The following GSG1L variants were observed in gnomAD, a reference collection of about 807,000 sequenced individuals.
GSG1L encodes the protein GSG1 like.
In GSG1L, 24 loss-of-function variants were observed where a neutral mutation model predicts 42.1. That is an observed-to-expected ratio of 0.57 (90% CI 0.41 to 0.80). The LOEUF is 0.80. Ranked by LOEUF, GSG1L falls within the 30% of genes least tolerant of loss-of-function variation. The pLI is 0.00. For synonymous variants in GSG1L, 215 were observed against 203.5 expected (o/e 1.06, Z -0.48); for missense variants, 445 against 472.2 (o/e 0.94, Z 0.53).
intron 1 of GSG1L, among the ~76,000 whole-genome samples, chr16:28,015,395 C>T (rs2085769250): frequency 6.6e-6 from 1 of 152,190 alleles, no homozygotes; most frequent in Non-Finnish European, 1.5e-5. Flanking sequence ...GTCCCAGCTA[C>T]TCAAAAGGCT....
At chr16:27,973,568 AACAAGAGTGACAT>A (rs1384042256) in intron 1 of GSG1L, among the ~76,000 whole-genome samples, 1 of 151,448 alleles carries the variant, frequency 6.6e-6, no homozygotes, top group African/African-American at 2.4e-5. Context: ...AATTGGGGGA[AACAAGAGTGACAT>A]GCAGGTACCA....
intron 6 of GSG1L, among the ~76,000 whole-genome samples, chr16:27,800,521 T>C (rs1358841586): frequency 6.6e-6 from 1 of 152,208 alleles, no homozygotes; most frequent in Admixed American, 6.5e-5. Context: ...CTGGGCCATA[T>C]GGCAACATCG....
Position 27,884,360 on chromosome 16 carries a change from A to G in GSG1L, c.550+126T>C, listed in dbSNP as rs2084000951. The G allele has an allele frequency of 3.5e-6, 3 of 846,500 alleles. No homozygotes were observed. The highest frequency in any genetic ancestry group is 5.3e-6 in the Non-Finnish European group (3 of 561,342). The allele number at this position is 846,500 out of a possible 1,614,324, so 52.4% of individuals were successfully genotyped here. A position where few individuals can be genotyped will look rare whatever the true frequency, so the allele number is the denominator to read the frequency against. On this transcript the variant is annotated intron_variant, in intron 3 of 6. Coordinates refer to ENST00000447459, the MANE Select transcript of GSG1L (RefSeq NM_001109763.2). The surrounding 1 kb of genome is among the most constrained non-coding windows in gnomAD (Gnocchi z 4.4). ...TTGGTCATTTTTTACAAACGATAAAACTGAGGCTCACAGAAGAGAAGCAAT... is the reference window on the plus strand; with the variant it reads ...TTGGTCATTTTTTACAAACGATAAAGCTGAGGCTCACAGAAGAGAAGCAAT...
chr16:27,872,988 CTT>C (rs975717801), intron 3 of GSG1L, among the ~76,000 whole-genome samples: 11 of 152,198 alleles, frequency 7.2e-5, no homozygotes, highest in African/African-American at 2.7e-4. Context: ...TATCCCTTTA[CTT>C]TCCTAATAAA....
chr16:28,043,685 C>G (rs1023768676), intron 1 of GSG1L, among the ~76,000 whole-genome samples: 1 of 152,312 alleles, frequency 6.6e-6, no homozygotes, highest in East Asian at 1.9e-4. Context: ...AACAGGAGCT[C>G]CCACTCAGTG....
chr16:27,997,401 C>A (rs1296680702), intron 1 of GSG1L, among the ~76,000 whole-genome samples: 1 of 138,996 alleles, frequency 7.2e-6, no homozygotes, highest in Admixed American at 7.9e-5. Context: ...CTCACTGCAA[C>A]CTCTGCTCCC....
chr16:27,932,092 AC>A (rs1238712604), intron 2 of GSG1L, among the ~76,000 whole-genome samples: 1 of 152,062 alleles, frequency 6.6e-6, no homozygotes. Flanking sequence ...TTGTTCTGTC[AC>A]CCAGGCTGGA....
intron 2 of GSG1L, among the ~76,000 whole-genome samples, chr16:27,932,854 C>T (rs2084672198): frequency 6.6e-6 from 1 of 152,080 alleles, no homozygotes; most frequent in Non-Finnish European, 1.5e-5. Context: ...AGAATATCCC[C>T]TGGTGCTGGC....
chr16:27,816,936 G>C (rs548294849), intron 5 of GSG1L, among the ~76,000 whole-genome samples: 1 of 152,228 alleles, frequency 6.6e-6, no homozygotes, highest in African/African-American at 2.4e-5. Context: ...GGCTCTGCCA[G>C]AACTGCTGCA....
intron 1 of GSG1L, among the ~76,000 whole-genome samples, chr16:28,019,115 T>C (rs1299944380): frequency 6.6e-6 from 1 of 152,034 alleles, no homozygotes; most frequent in African/African-American, 2.4e-5. Context: ...CTGGGTAAAA[T>C]AAGGCTGAGA....
intron 1 of GSG1L, among the ~76,000 whole-genome samples, chr16:27,979,376 G>A (rs1297401800): frequency 6.6e-6 from 1 of 151,580 alleles, no homozygotes; most frequent in East Asian, 1.9e-4. Context: ...GACCAGCCTG[G>A]CCAACATAAT....
At chr16:27,901,727 TCTC>T (rs1037404530) in intron 2 of GSG1L, among the ~76,000 whole-genome samples, 3 of 152,218 alleles carry the variant, frequency 2.0e-5, no homozygotes, top group African/African-American at 7.2e-5. Context: ...ATCGGGTCTC[TCTC>T]CTCCTGCAAC....
intron 5 of GSG1L, among the ~76,000 whole-genome samples, chr16:27,815,930 C>T (rs901311226): frequency 6.6e-6 from 1 of 152,158 alleles, no homozygotes; most frequent in African/African-American, 2.4e-5. Context: ...CACCACTGCA[C>T]TCCAGCCTGG....
chr16:28,033,024 A>T (rs2085985036), intron 1 of GSG1L, among the ~76,000 whole-genome samples: 1 of 152,138 alleles, frequency 6.6e-6, no homozygotes, highest in African/African-American at 2.4e-5. Context: ...ATTTAGAATA[A>T]AGTCCAAATT....
intron 1 of GSG1L, among the ~76,000 whole-genome samples, chr16:28,006,785 A>G (rs1041440087): frequency 6.6e-6 from 1 of 152,166 alleles, no homozygotes; most frequent in African/African-American, 2.4e-5. Context: ...TGATCTGGTC[A>G]ACCAAGCCCT....
At chr16:28,028,289 TAGA>T (rs1387014698) in intron 1 of GSG1L, among the ~76,000 whole-genome samples, 1 of 152,134 alleles carries the variant, frequency 6.6e-6, no homozygotes, top group Non-Finnish European at 1.5e-5. Flanking sequence ...GCCAGGCAGG[TAGA>T]AAATAATCCC....
intron 2 of GSG1L, among the ~76,000 whole-genome samples, chr16:27,930,908 T>C (rs1475584575): frequency 6.6e-6 from 1 of 152,034 alleles, no homozygotes; most frequent in Non-Finnish European, 1.5e-5. Flanking sequence ...TTGTTGTTGC[T>C]ATTGTTTTTT....
At position 27,959,990 on chromosome 16, in the gene GSG1L, A is replaced by G. The variant is rs545906979; in HGVS notation, c.397+3166T>C. ...AAAATGTGTGATGCTATGGTAAGAA[A>G]CTGATGATGGACAAATATTTTGCCA... On this transcript the variant is annotated intron_variant, in intron 2 of 6. Coordinates refer to ENST00000447459, the MANE Select transcript of GSG1L (RefSeq NM_001109763.2). Among the ~76,000 whole-genome samples the G allele has an allele frequency of 2.6e-5, 4 of 152,086 alleles. No individual in the cohort carries two copies. In the East Asian group the frequency reaches 7.8e-4, roughly 30 times the overall value.
intron 1 of GSG1L, among the ~76,000 whole-genome samples, chr16:28,048,541 C>A (rs990912827): frequency 1.3e-5 from 2 of 152,120 alleles, no homozygotes; most frequent in Non-Finnish European, 2.9e-5. Context: ...GGATTACAGG[C>A]ATAAGCCACT....
Sources: allele counts gnomAD v4.1 joint callset (sites outside exome capture counted in the v4.1 genomes callset), GRCh38; gene constraint gnomAD v4.1.1; non-coding constraint Gnocchi (gnomAD v3.1); transcripts MANE v1.5; gene names NCBI Gene and HGNC (gene_info 2026-07-23, HGNC 2026-07-21).